The following AHCTF1 variants were observed in gnomAD, a reference collection of about 807,000 sequenced individuals.
AHCTF1 encodes the protein protein ELYS.
In AHCTF1, 24 loss-of-function variants were observed where a neutral mutation model predicts 248.4. That is an observed-to-expected ratio of 0.10 (90% CI 0.07 to 0.14). The LOEUF is 0.14. AHCTF1 is among the 10% of genes least tolerant of loss of function. The pLI is 1.00. For synonymous variants in AHCTF1, 786 were observed against 929.8 expected (o/e 0.85, Z 2.81); for missense variants, 2,206 against 2,636.2 (o/e 0.84, Z 3.57).
chr1:246,901,519 G>C (rs556184458), intron 8 of AHCTF1, among the ~76,000 whole-genome samples: 2 of 152,184 alleles, frequency 1.3e-5, no homozygotes, highest in African/African-American at 2.4e-5. Flanking sequence ...AGCTACTTAG[G>C]GGGCTGAAGC....
intron 33 of AHCTF1, among the ~76,000 whole-genome samples, chr1:246,848,862 C>T (rs75175259): frequency 7.3e-5 from 11 of 151,220 alleles, no homozygotes; most frequent in African/African-American, 1.2e-4. Context: ...ACAAACAACA[C>T]AAACCCCCTA....
chr1:246,914,954 C>T (rs1572460947), intron 3 of AHCTF1, among the ~76,000 whole-genome samples: 1 of 152,194 alleles, frequency 6.6e-6, no homozygotes, highest in South Asian at 2.1e-4. Flanking sequence ...ACCTGAATGG[C>T]AATAGTCTAC....
At chr1:246,898,090 G>A (rs1664721617) in intron 12 of AHCTF1, 118 bp downstream of exon 12, 3 of 1,359,000 alleles carry the variant, frequency 2.2e-6, no homozygotes, top group East Asian at 4.7e-5. Flanking sequence ...ATCACCCAGA[G>A]TCAGCATTAC....
At chr1:246,868,687 C>CT (rs1027307563) in intron 24 of AHCTF1, among the ~76,000 whole-genome samples, 4 of 150,036 alleles carry the variant, frequency 2.7e-5, no homozygotes, top group African/African-American at 9.9e-5. Flanking sequence ...AATAGGAGTT[C>CT]TTTCATTATG....
Position 246,902,634 on chromosome 1 carries a change from T to A in AHCTF1, c.1008A>T (p.Thr336=). 6.2e-7 allele frequency: 1 copy of A among 1,613,466 alleles called. No individual in the cohort carries two copies. Among genetic ancestry groups the A allele is most frequent in the Non-Finnish European group, 8.5e-7 (1 of 1,179,866 alleles). ...GTCCCCTCAAAGGGAACATGCCACC[T>A]GTCAGGTCCAGGGTGTATCTTTCTT... The part of the protein sequence containing the change: ...YCEERYTLDL[T]GGMFPLRGQT... Residue 336 remains threonine, a synonymous_variant, in exon 8 of 36, where the codon ACA becomes ACT. Transcript: ENST00000648844.
In AHCTF1 at chr1:246,876,829, C is replaced by T. The variant is rs544611103; in HGVS notation, c.2937+121G>A. ...TTACAGAGATGAACTGAGGATTCTC[C>T]AAGTTCAAGGTAATGCTAGGCACAG... is the stretch of plus-strand genomic sequence containing the variant. On this transcript the variant is annotated intron_variant, in intron 23 of 35. Transcript: ENST00000648844. 22 of 1,228,526 alleles carry T rather than the reference C, an allele frequency of 1.8e-5. No homozygotes were observed. The East Asian group carries it at 4.7e-4, about 26-fold the overall frequency. 76.1% of individuals were successfully genotyped at this position (1,228,526 alleles called of 1,614,324 possible).
chr1:246,869,039 T>C (rs1036172607), intron 24 of AHCTF1, among the ~76,000 whole-genome samples: 2 of 151,378 alleles, frequency 1.3e-5, no homozygotes, highest in African/African-American at 4.9e-5. Flanking sequence ...AGAGACGGGG[T>C]TTCACCATGT....
intron 16 of AHCTF1, among the ~76,000 whole-genome samples, chr1:246,890,267 A>G (rs1335063643): frequency 2.0e-5 from 3 of 152,220 alleles, no homozygotes; most frequent in Non-Finnish European, 2.9e-5. Flanking sequence ...GTCTAACTAC[A>G]TGGATGGGGG....
intron 33 of AHCTF1, among the ~76,000 whole-genome samples, chr1:246,848,902 T>C (rs750230045): frequency 6.6e-5 from 10 of 152,152 alleles, no homozygotes; most frequent in Admixed American, 3.3e-4. Context: ...TTAACACTTT[T>C]ACAGAGAGTT....
chr1:246,863,474 G>C (rs953046155), intron 27 of AHCTF1, among the ~76,000 whole-genome samples: 1 of 152,086 alleles, frequency 6.6e-6, no homozygotes, highest in African/African-American at 2.4e-5. Flanking sequence ...TAATAACTTA[G>C]GAGATGGGAA....
intron 2 of AHCTF1, among the ~76,000 whole-genome samples, chr1:246,917,631 G>A (rs1296186208): frequency 6.6e-6 from 1 of 152,192 alleles, no homozygotes; most frequent in Non-Finnish European, 1.5e-5. Context: ...TAACATTCAA[G>A]AGAATGGCGC....
intron 1 of AHCTF1, among the ~76,000 whole-genome samples, chr1:246,918,954 T>C (rs1455621812): frequency 6.6e-6 from 1 of 152,030 alleles, no homozygotes; most frequent in Non-Finnish European, 1.5e-5. Flanking sequence ...CCAAGAAAAA[T>C]GTATAAATTC....
Position 246,847,348 on chromosome 1 carries a change from A to C in AHCTF1, c.6391+2267T>G, listed in dbSNP as rs149252201. ...ATGCTCATGACATAAGTAGGGGGAC[A>C]AAAGCAGAATATATGCACGTACATA... On this transcript the variant is annotated intron_variant, in intron 33 of 35. Transcript: ENST00000648844. Among the ~76,000 whole-genome samples the C allele has an allele frequency of 2.9e-3, 442 of 152,252 alleles. 6 individuals carry two copies. Among genetic ancestry groups the C allele is most frequent in the African/African-American group, 0.01 (419 of 41,514 alleles).
Position 246,902,652 on chromosome 1 carries a change from T to C in AHCTF1, c.990A>G (p.Arg330=), listed in dbSNP as rs1665088024. 1 of 1,612,974 alleles carries C rather than the reference T, an allele frequency of 6.2e-7. No homozygotes were observed. Among genetic ancestry groups the C allele is most frequent in the Non-Finnish European group, 8.5e-7 (1 of 1,179,594 alleles). The change falls in exon 8 of 36, where the codon AGA becomes AGG. Residue 330 remains arginine (R), a synonymous_variant. Transcript: ENST00000648844. ...TGCCACCTGTCAGGTCCAGGGTGTA[T>C]CTTTCTTCACAGTATTCTAACCCCT... ...LYEGLEYCEE[R]YTLDLTGGMF...
At chr1:246,907,896 C>CA in intron 4 of AHCTF1, 138 bp from the exon 5 acceptor site, 3 of 722,458 alleles carry the variant, frequency 4.2e-6, no homozygotes, top group Non-Finnish European at 6.6e-6. Flanking sequence ...TTAGTGATAA[C>CA]AAAAAAGTAT....
chr1:246,871,654 A>C (rs915371454), intron 24 of AHCTF1, among the ~76,000 whole-genome samples: 2 of 152,184 alleles, frequency 1.3e-5, no homozygotes, highest in African/African-American at 4.8e-5. Context: ...GGCTAAGGCC[A>C]TCATGTCTCC....
rs1194483036 is a variant in AHCTF1 at position 246,913,364 on chromosome 1, T to C, written c.424A>G (p.Thr142Ala). ...IINHGGASAS[T>A]QHLHPSLRWL... ...CGCAGACTTGGATGTAAATGCTGAG[T>C]GCTTGCACTGGCTCCTCCATGATTA... Residue 142 changes from threonine (T) to alanine (A), a missense_variant, in exon 4 of 36, where the codon ACT (threonine) becomes GCT (alanine). This residue lies in a region of AHCTF1 where 34 missense variants were observed against 97.2 expected (regional missense o/e 0.35). Coordinates refer to ENST00000648844, the MANE Select transcript of AHCTF1 (RefSeq NM_001323342.2). 6.2e-7 allele frequency: 1 copy of C among 1,613,642 alleles called. No individual in the cohort carries two copies. Among genetic ancestry groups the C allele is most frequent in the African/African-American group, 1.3e-5 (1 of 74,930 alleles).
intron 25 of AHCTF1, 71 bp downstream of exon 25, chr1:246,867,590 T>C (rs1028348543): frequency 6.5e-6 from 10 of 1,544,728 alleles, no homozygotes; most frequent in Non-Finnish European, 8.0e-6. Flanking sequence ...GAGTGGATTG[T>C]TGATGAACGC....
chr1:246,904,041 A>G lies in AHCTF1; in HGVS notation c.882-8T>C. The stretch of plus-strand genomic sequence containing the variant: ...CTCAAAACATCCCCTTCACTGAAAC[A>G]GAAATTAACGAAGACACGCTAAATA... On this transcript the variant is annotated splice_polypyrimidine_tract_variant and splice_region_variant and intron_variant, in intron 6 of 35. Transcript: ENST00000648844. 3 of 1,612,060 alleles carry G rather than the reference A, an allele frequency of 1.9e-6. No individual in the cohort carries two copies. The highest frequency in any genetic ancestry group is 2.5e-6 in the Non-Finnish European group (3 of 1,178,152).
Sources: allele counts gnomAD v4.1 joint callset (sites outside exome capture counted in the v4.1 genomes callset), GRCh38; gene constraint gnomAD v4.1.1; regional missense constraint gnomAD v4.1.1; transcripts MANE v1.5; gene names NCBI Gene and HGNC (gene_info 2026-07-23, HGNC 2026-07-21).